Variants in SPATA13 observed in about 807,000 individuals in gnomAD.
SPATA13 encodes spermatogenesis associated 13, also known as spermatogenesis-associated protein 13.
In SPATA13, 50 loss-of-function variants were observed where a neutral mutation model predicts 104.0. That is an observed-to-expected ratio of 0.48 (90% CI 0.38 to 0.61). The LOEUF (loss-of-function observed/expected upper bound fraction) is 0.61, where lower values mean the gene tolerates loss of function less well. Ranked by LOEUF, SPATA13 falls within the 20% of genes least tolerant of loss-of-function variation. The pLI is 0.00. For synonymous variants in SPATA13, 606 were observed against 667.5 expected, an observed-to-expected ratio of 0.91 and a Z score of 1.42; for missense variants, 1,524 against 1,690.6, an observed-to-expected ratio of 0.90 and a Z score of 1.73.
chr13:24,024,730 C>T (rs1346337056), intron 3 of SPATA13, among the ~76,000 whole-genome samples: 1 of 150,608 alleles, frequency 6.6e-6, no homozygotes, highest in Non-Finnish European at 1.5e-5. Flanking sequence ...AGTAAAACTC[C>T]CTCTCTAGAA....
intron 3 of SPATA13, among the ~76,000 whole-genome samples, chr13:24,096,263 T>C (rs1880079841): frequency 6.6e-6 from 1 of 152,070 alleles, no homozygotes; most frequent in Non-Finnish European, 1.5e-5. Flanking sequence ...TATAAAGTTA[T>C]GGTTAGTGCT....
chr13:24,200,856 GA>G (rs1319287101), intron 1 of SPATA13, among the ~76,000 whole-genome samples: 1 of 151,622 alleles, frequency 6.6e-6, no homozygotes, highest in Non-Finnish European at 1.5e-5. Context: ...CTCCCACAAT[GA>G]AAATACACAG....
intron 1 of SPATA13, 121 bp from the exon 2 acceptor site, chr13:24,222,698 A>T: frequency 2.6e-6 from 2 of 773,760 alleles, no homozygotes; most frequent in Non-Finnish European, 2.0e-6. Flanking sequence ...GTACAGTTTT[A>T]ATTGAGTTTG....
intron 3 of SPATA13, among the ~76,000 whole-genome samples, chr13:24,086,681 AAAG>A (rs1342779281): frequency 6.6e-6 from 1 of 152,152 alleles, no homozygotes; most frequent in Non-Finnish European, 1.5e-5. Flanking sequence ...CTGCACAAGG[AAAG>A]AAGGCAGACT....
rs185138639 is a variant in SPATA13, at chr13:24,108,786, G to A, written c.-112+91085G>A. Among the ~76,000 whole-genome samples the A allele has an allele frequency of 1.2e-4, 18 of 152,154 alleles. No individual in the cohort carries two copies. The East Asian group carries it at 3.1e-3, about 26-fold the overall frequency. ...AGCCCACAGTTCCTTGGGATTTTTC[G>A]GAAAGATTGGCGCCCACGTTCCCGC... On this transcript the variant is annotated intron_variant, in intron 3 of 14. Transcript: ENST00000424834.
intron 1 of SPATA13, among the ~76,000 whole-genome samples, chr13:24,203,637 G>A (rs1215713689): frequency 6.6e-6 from 1 of 152,138 alleles, no homozygotes; most frequent in African/African-American, 2.4e-5. Context: ...AATCAGGATA[G>A]GGTAATTTCT....
intron 1 of SPATA13, among the ~76,000 whole-genome samples, chr13:24,212,384 C>T (rs796646372): frequency 1.1e-4 from 16 of 152,020 alleles, no homozygotes; most frequent in African/African-American, 3.9e-4. Flanking sequence ...AAGCTATGTT[C>T]ACTCAGATGA....
intron 3 of SPATA13, among the ~76,000 whole-genome samples, chr13:24,112,615 T>G (rs1880681600): frequency 6.6e-6 from 1 of 152,186 alleles, no homozygotes; most frequent in Non-Finnish European, 1.5e-5. Flanking sequence ...CAAAATGTTC[T>G]TATCAGCTAA....
chr13:24,113,868 C>CAAAAAAAAAAAA (rs958434459), intron 3 of SPATA13, among the ~76,000 whole-genome samples: 3 of 56,188 alleles, frequency 5.3e-5, no homozygotes, highest in African/African-American at 1.9e-4. Context: ...GACTCGATCT[C>CAAAAAAAAAAAA]AAAAAAAAAA....
At chr13:24,085,678 G>C (rs913977652) in intron 3 of SPATA13, among the ~76,000 whole-genome samples, 6 of 152,224 alleles carry the variant, frequency 3.9e-5, no homozygotes, top group Non-Finnish European at 5.9e-5. Flanking sequence ...TTTCCAGGGA[G>C]GGTTTACCTC....
At chr13:24,063,686 G>A (rs1878853047) in intron 3 of SPATA13, among the ~76,000 whole-genome samples, 1 of 152,158 alleles carries the variant, frequency 6.6e-6, no homozygotes, top group African/African-American at 2.4e-5. Flanking sequence ...TCAGCTCAGG[G>A]TCAGGAGGAG....
chr13:24,300,845 T>C (rs1877134087), intron 12 of SPATA13, among the ~76,000 whole-genome samples: 1 of 152,104 alleles, frequency 6.6e-6, no homozygotes. Flanking sequence ...CTTTTAGGCA[T>C]GAGAGGACAA....
At chr13:24,078,506 G>A (rs1319253496) in intron 3 of SPATA13, among the ~76,000 whole-genome samples, 1 of 152,154 alleles carries the variant, frequency 6.6e-6, no homozygotes, top group African/African-American at 2.4e-5. Flanking sequence ...GACTAGTGGA[G>A]CCAAGTTTCT....
In SPATA13 at chr13:24,160,787, G is replaced by C; in HGVS notation, c.-257G>C. ...TTCTCCCGCGATCGCCCTGCCGGTCGCTAGCTCCGAGGGCGCGCACTGGAT... is the reference window on the plus strand; with the variant it reads ...TTCTCCCGCGATCGCCCTGCCGGTCCCTAGCTCCGAGGGCGCGCACTGGAT... On this transcript the variant is annotated 5_prime_UTR_variant, in exon 1 of 13. Coordinates refer to ENST00000382108, the MANE Select transcript of SPATA13 (RefSeq NM_001166271.3). The C allele has an allele frequency of 1.0e-6, 1 of 985,504 alleles. No homozygotes were observed. Among genetic ancestry groups the C allele is most frequent in the Non-Finnish European group, 1.2e-6 (1 of 830,010 alleles). 61.0% of individuals were successfully genotyped at this position (985,504 alleles called of 1,614,324 possible).
intron 1 of SPATA13, among the ~76,000 whole-genome samples, chr13:24,169,551 G>T (rs1593376826): frequency 6.6e-6 from 1 of 152,128 alleles, no homozygotes; most frequent in Non-Finnish European, 1.5e-5. Flanking sequence ...ACTCTGCCCT[G>T]GAAATGAGTT....
chr13:24,133,604 C>T (rs944914678), intron 3 of SPATA13, among the ~76,000 whole-genome samples: 9 of 151,954 alleles, frequency 5.9e-5, no homozygotes, highest in Non-Finnish European at 8.8e-5. Context: ...GGTAGGTAGG[C>T]GTAAAGGTGT....
intron 2 of SPATA13, among the ~76,000 whole-genome samples, chr13:23,986,868 T>C (rs1409028): frequency 0.41 from 62,649 of 151,626 alleles, 13,213 homozygotes; most frequent in Admixed American, 0.49. Flanking sequence ...TTTCCTCAGA[T>C]TGGAAACATC....
chr13:23,996,472 T>A (rs758257978), intron 2 of SPATA13, among the ~76,000 whole-genome samples: 18 of 152,190 alleles, frequency 1.2e-4, no homozygotes, highest in Non-Finnish European at 2.5e-4. Context: ...GAACTGGGGC[T>A]GTCACATGGT....
chr13:24,151,535 T>C (rs1882099766), intron 3 of SPATA13, among the ~76,000 whole-genome samples: 1 of 152,258 alleles, frequency 6.6e-6, no homozygotes, highest in South Asian at 2.1e-4. Context: ...GTTATATACA[T>C]GAAAGTCCTG....
Sources: allele counts gnomAD v4.1 joint callset (sites outside exome capture counted in the v4.1 genomes callset), GRCh38; gene constraint gnomAD v4.1.1; transcripts MANE v1.5; gene names NCBI Gene and HGNC (gene_info 2026-07-23, HGNC 2026-07-21).